CCDC33: variants seen among roughly 807,000 people sequenced by gnomAD.
CCDC33 encodes coiled-coil domain containing 33, also known as coiled-coil domain-containing protein 33.
Under a neutral mutation model 91.9 loss-of-function variants are expected in CCDC33, and 94 were observed. The ratio of observed to expected loss-of-function variants is 1.02; its 90% CI spans 0.87 to 1.21. The LOEUF is 1.21. Ranked by LOEUF, CCDC33 falls within the 50% of genes most tolerant of loss-of-function variation. The probability of loss-of-function intolerance (pLI) is 0.00; values close to 1 mark genes in which losing one functional copy is unlikely to be tolerated. For missense variants in CCDC33, 940 were observed against 935.5 expected, an observed-to-expected ratio of 1.00 and a Z score of -0.06; for synonymous variants, 396 against 374.5, an observed-to-expected ratio of 1.06 and a Z score of -0.66.
chr15:74,277,831 T>G (rs748943151), intron 7 of CCDC33, among the ~76,000 whole-genome samples: 17 of 152,208 alleles, frequency 1.1e-4, no homozygotes, highest in Non-Finnish European at 2.2e-4. Flanking sequence ...AGGCTCCATT[T>G]AGACACATGA....
intron 2 of CCDC33, among the ~76,000 whole-genome samples, chr15:74,249,535 A>G (rs1383394341): frequency 6.6e-6 from 1 of 152,182 alleles, no homozygotes; most frequent in Non-Finnish European, 1.5e-5. Context: ...CCCTGAGCTA[A>G]CTAGGATTGC....
chr15:74,237,954 C>A (rs1173062986), intron 1 of CCDC33, among the ~76,000 whole-genome samples: 4 of 152,000 alleles, frequency 2.6e-5, no homozygotes, highest in African/African-American at 9.7e-5. Flanking sequence ...ATGGTGAAAC[C>A]CCATCTCTAC....
At chr15:74,317,888 T>G (rs1378091779) in intron 11 of CCDC33, among the ~76,000 whole-genome samples, 1 of 22,876 alleles carries the variant, frequency 4.4e-5, no homozygotes, top group African/African-American at 1.1e-4. Context: ...TTTGGGTTTG[T>G]TTTTTTTTTT....
At chr15:74,254,945 G>A (rs2142333014) in intron 2 of CCDC33, among the ~76,000 whole-genome samples, 1 of 151,990 alleles carries the variant, frequency 6.6e-6, no homozygotes, top group East Asian at 1.9e-4. Flanking sequence ...ACGGTGTTTT[G>A]CCATGTTGGC....
intron 11 of CCDC33, among the ~76,000 whole-genome samples, chr15:74,309,989 T>C (rs2059961335): frequency 6.6e-6 from 1 of 151,894 alleles, no homozygotes; most frequent in South Asian, 2.1e-4. Context: ...CTCCACAAAA[T>C]TTTTTTAAAA....
exon 2 of CCDC33, chr15:74,209,452 C>T (rs1595871506): frequency 6.5e-7 from 1 of 1,535,466 alleles, no homozygotes; most frequent in African/African-American, 1.4e-5. Context: ...ACCGGATCTG[C>T]ATCCTGCTGC....
At chr15:74,232,774 C>T (rs140659067), upstream of CCDC33, among the ~76,000 whole-genome samples, 8 of 152,344 alleles carry the variant, frequency 5.3e-5, no homozygotes, top group South Asian at 2.1e-4. Context: ...AAGCTCTTAA[C>T]GCGGACAGTG....
chr15:74,242,876 A>G (rs1368064630), intron 1 of CCDC33, among the ~76,000 whole-genome samples: 1 of 152,052 alleles, frequency 6.6e-6, no homozygotes, highest in Non-Finnish European at 1.5e-5. Context: ...GGGCCTTGGA[A>G]AGCTCTGCCC....
In CCDC33 at chr15:74,330,636, G is replaced by C. The variant is rs753995596; in HGVS notation, c.1457-27G>C. ...TTGAGCTGGGAGAGGCTTCCTCCCTGAGCCAGCTCCCCAACCCACCTAACA... is the reference window on the plus strand; with the variant it reads ...TTGAGCTGGGAGAGGCTTCCTCCCTCAGCCAGCTCCCCAACCCACCTAACA... On this transcript the variant is annotated intron_variant, in intron 12 of 18. Transcript: ENST00000398814. 1.9e-6 allele frequency: 3 copies of C among 1,587,310 alleles called. No homozygotes were observed. The African/African-American group carries it at 4.0e-5, about 21-fold the overall frequency.
At chr15:74,248,295 A>G (rs2142296654) in intron 2 of CCDC33, among the ~76,000 whole-genome samples, 2 of 151,122 alleles carry the variant, frequency 1.3e-5, no homozygotes, top group Middle Eastern at 7.1e-3. Flanking sequence ...CCTCAATAAA[A>G]CAGCGAAAAT....
chr15:74,246,516 G>A (rs190708615), intron 2 of CCDC33, among the ~76,000 whole-genome samples: 109 of 152,212 alleles, frequency 7.2e-4, no homozygotes, highest in Non-Finnish European at 1.1e-3. Flanking sequence ...AAAAAGACCC[G>A]AATAGACATT....
At chr15:74,274,965 G>C (rs1227366640) in intron 7 of CCDC33, among the ~76,000 whole-genome samples, 1 of 152,386 alleles carries the variant, frequency 6.6e-6, no homozygotes, top group Admixed American at 6.5e-5. Context: ...ACAGGAGCAG[G>C]CTGCTGTGGT....
rs1443868885 is a variant in CCDC33, at chr15:74,335,424, G to T, written c.2139+336G>T. 4 of 553,182 alleles carry T rather than the reference G, an allele frequency of 7.2e-6. No individual in the cohort carries two copies. The East Asian group carries it at 9.0e-5, about 12-fold the overall frequency. The allele number at this position is 553,182 out of a possible 1,614,324, so 34.3% of individuals were successfully genotyped here. A position where few individuals can be genotyped will look rare whatever the true frequency, so the allele number is the denominator to read the frequency against. On this transcript the variant is annotated intron_variant, in intron 18 of 18. Coordinates refer to ENST00000398814, the MANE Select transcript of CCDC33 (RefSeq NM_025055.5). ...GCTTTAGGACTGGCTGCGCTCATGGGCAGAGTAGCTTGTGGCCCTACCCCC... is the reference window on the plus strand; with the variant it reads ...GCTTTAGGACTGGCTGCGCTCATGGTCAGAGTAGCTTGTGGCCCTACCCCC...
At chr15:74,293,456 T>C (rs1412299127) in intron 10 of CCDC33, among the ~76,000 whole-genome samples, 1 of 152,248 alleles carries the variant, frequency 6.6e-6, no homozygotes, top group African/African-American at 2.4e-5. Context: ...ATATGCATTT[T>C]GTAGCTCTTC....
chr15:74,206,139 A>G (rs1054219680), intron 1 of CCDC33, among the ~76,000 whole-genome samples: 6 of 152,154 alleles, frequency 3.9e-5, no homozygotes, highest in East Asian at 1.9e-4. Flanking sequence ...CCTGCACACC[A>G]GTAACCAGTT....
chr15:74,296,009 T>C, intron 11 of CCDC33, 61 bp downstream of exon 11: 1 of 1,426,180 alleles, frequency 7.0e-7, no homozygotes, highest in Non-Finnish European at 9.5e-7. Flanking sequence ...GGAAGGGGAC[T>C]TGACTGCCAT....
chr15:74,269,119 C>T (rs1345679181), intron 5 of CCDC33, among the ~76,000 whole-genome samples: 1 of 152,002 alleles, frequency 6.6e-6, no homozygotes, highest in Admixed American at 6.5e-5. Flanking sequence ...TTGGGAGGAA[C>T]TCTTGATGCT....
chr15:74,332,906 T>C, intron 16 of CCDC33, 61 bp downstream of exon 16: 1 of 1,573,838 alleles, frequency 6.4e-7, no homozygotes, highest in Non-Finnish European at 8.6e-7. Flanking sequence ...AAATCACCCA[T>C]GGTACAACCC....
intron 10 of CCDC33, among the ~76,000 whole-genome samples, chr15:74,285,200 T>TC (rs56015946): frequency 0.72 from 109,379 of 152,074 alleles, 40,846 homozygotes; most frequent in Non-Finnish European, 0.84. Flanking sequence ...ATAGGCTCTT[T>TC]CCATGAGCCT....
Sources: gnomAD v4.1 joint callset for allele counts (sites outside exome capture counted in the v4.1 genomes callset) on GRCh38, gnomAD v4.1.1 for gene constraint, MANE v1.5 for transcripts, NCBI Gene and HGNC (gene_info 2026-07-23, HGNC 2026-07-21) for gene names.